The following ZFAT variants were observed in gnomAD, a reference collection of about 807,000 sequenced individuals.
The protein encoded by ZFAT is zinc finger and AT-hook domain containing.
ZFAT carries 64 observed loss-of-function variants against 117.7 expected under a neutral mutation model. The observed-to-expected ratio is 0.54, with a 90% confidence interval of 0.44 to 0.67. The LOEUF is 0.67. ZFAT is among the 30% of genes least tolerant of loss of function. The probability of loss-of-function intolerance (pLI) is 0.00; values close to 1 mark genes in which losing one functional copy is unlikely to be tolerated. For missense variants in ZFAT, 1,433 were observed against 1,584.5 expected (o/e 0.90, Z 1.62); for synonymous variants, 679 against 615.0 (o/e 1.10, Z -1.54).
chr8:134,538,544 T>A (rs10110338), intron 11 of ZFAT, among the ~76,000 whole-genome samples: 233 of 152,294 alleles, frequency 1.5e-3, no homozygotes, highest in Non-Finnish European at 2.5e-3. Flanking sequence ...ACGCCTGTAA[T>A]CCCAGTATTT....
At chr8:134,754,901 T>C in the ZFAT span, among the ~76,000 whole-genome samples, 1 of 152,244 alleles carries the variant, frequency 6.6e-6, no homozygotes, top group South Asian at 2.1e-4. Flanking sequence ...GACCTCCATC[T>C]TGGCCAACAC....
Position 134,478,862 on chromosome 8 carries a change from G to A in ZFAT, c.3493-141C>T. The stretch of plus-strand genomic sequence containing the variant: ...CTCCACGGATCCTCTCTACCAGGCT[G>A]TGCTTGCTCTCATGCCCATTTTACA... On this transcript the variant is annotated intron_variant, in intron 15 of 15. Coordinates refer to ENST00000377838, the MANE Select transcript of ZFAT (RefSeq NM_020863.4). This position sits in a 1 kb window ranked among gnomAD's most constrained non-coding sequence, Gnocchi z 5.2. 5 of 1,310,602 alleles carry A rather than the reference G, an allele frequency of 3.8e-6. No homozygotes were observed. The South Asian group carries it at 5.9e-5, about 15-fold the overall frequency. The allele number at this position is 1,310,602 out of a possible 1,614,324, so 81.2% of individuals were successfully genotyped here.
chr8:134,669,568 C>G (rs187763354), intron 1 of ZFAT, among the ~76,000 whole-genome samples: 1 of 152,088 alleles, frequency 6.6e-6, no homozygotes, highest in Admixed American at 6.5e-5. Context: ...ATTTTGTCAC[C>G]ACTAGGCCTG....
At chr8:134,629,702 C>T (rs576672921) in intron 3 of ZFAT, among the ~76,000 whole-genome samples, 2 of 152,342 alleles carry the variant, frequency 1.3e-5, no homozygotes, top group South Asian at 4.1e-4. Context: ...GCTTCCCCTT[C>T]AACTTCTGCA....
chr8:134,590,436 C>G, intron 7 of ZFAT, 81 bp from the exon 8 acceptor site: 1 of 1,085,042 alleles, frequency 9.2e-7, no homozygotes, highest in Non-Finnish European at 1.4e-6. Context: ...TCATCACCAT[C>G]ATCACCCACC....
chr8:134,756,598 G>A, the ZFAT span, among the ~76,000 whole-genome samples: 2 of 152,220 alleles, frequency 1.3e-5, no homozygotes, highest in African/African-American at 4.8e-5. Flanking sequence ...CCAGATGCTG[G>A]GCACACTGCC....
chr8:134,509,198 T>A (rs1182691284), intron 15 of ZFAT, among the ~76,000 whole-genome samples: 1 of 152,130 alleles, frequency 6.6e-6, no homozygotes, highest in Non-Finnish European at 1.5e-5. Context: ...TGGTTACTAT[T>A]TAGGAAGGCC....
intron 14 of ZFAT, chr8:134,510,895 C>T (rs1240446482): frequency 6.6e-6 from 1 of 152,282 alleles, no homozygotes; most frequent in Non-Finnish European, 1.5e-5. Context: ...CTGGCAGCTC[C>T]CATGTCAGGA....
At chr8:134,535,790 G>A (rs563670428) in intron 11 of ZFAT, among the ~76,000 whole-genome samples, 1 of 151,986 alleles carries the variant, frequency 6.6e-6, no homozygotes, top group East Asian at 1.9e-4. Flanking sequence ...TATGATTACT[G>A]CAAAGTTAAA....
At chr8:134,654,872 CAT>C (rs1831495589) in intron 2 of ZFAT, among the ~76,000 whole-genome samples, 1 of 152,168 alleles carries the variant, frequency 6.6e-6, no homozygotes, top group Non-Finnish European at 1.5e-5. Flanking sequence ...GCAAGAGAAA[CAT>C]AGAGACAAAT....
the ZFAT span, among the ~76,000 whole-genome samples, chr8:134,828,197 C>A: frequency 6.6e-6 from 1 of 152,106 alleles, no homozygotes. Flanking sequence ...CTTTAATCTT[C>A]ATTTTTACTC....
At chr8:134,706,060 T>C (rs894293923) in intron 1 of ZFAT, among the ~76,000 whole-genome samples, 1 of 152,160 alleles carries the variant, frequency 6.6e-6, no homozygotes, top group Non-Finnish European at 1.5e-5. Context: ...ACGTTGCTGA[T>C]GGGAATGTAA....
the ZFAT span, among the ~76,000 whole-genome samples, chr8:134,726,248 G>A: frequency 6.6e-6 from 1 of 152,168 alleles, no homozygotes; most frequent in South Asian, 2.1e-4. Context: ...CAACTTGAGA[G>A]ATTCAAGTGC....
intron 3 of ZFAT, among the ~76,000 whole-genome samples, chr8:134,628,260 CAAGCAAA>C (rs1417997112): frequency 6.6e-6 from 1 of 152,124 alleles, no homozygotes; most frequent in Non-Finnish European, 1.5e-5. Context: ...ACGGACATCA[CAAGCAAA>C]AAGAATGACA....
rs116830258 is a variant in ZFAT, at chr8:134,482,312, C to T, written c.3493-3591G>A. On this transcript the variant is annotated intron_variant, in intron 15 of 15. Coordinates refer to ENST00000377838, the MANE Select transcript of ZFAT (RefSeq NM_020863.4). ...CATGAACAGGGCTGTGCAAAAGTCA[C>T]AGGAGAGAAGGCATTTGGGGCAGAA... 2.8e-3 allele frequency among the ~76,000 whole-genome samples: 423 copies of T among 152,332 alleles called. 3 individuals carry two copies. Among genetic ancestry groups the T allele is most frequent in the African/African-American group, 9.9e-3 (411 of 41,580 alleles).
At position 134,532,876 on chromosome 8, in the gene ZFAT, C is replaced by A. The variant is rs554415466; in HGVS notation, c.3073G>T (p.Val1025Leu). Residue 1025 changes from valine (V) to leucine (L), a missense_variant, in exon 12 of 16, where the codon GTG becomes TTG. Val to Leu is a conservative substitution (Grantham distance 32). Around this residue, in one of 5 missense-constraint regions of ZFAT, gnomAD observed 503 missense variants for 543.4 expected, o/e 0.93. Coordinates refer to ENST00000377838, the MANE Select transcript of ZFAT (RefSeq NM_020863.4). ...RKHPNEEYANVGTGELAAEVL... is the reference protein window; with the variant it reads ...RKHPNEEYANLGTGELAAEVL... ...TCCGCTGCCAGCTCCCCGGTGCCCA[C>A]GTTGGCATACTCCTCATTAGGGTGC... 32 of 1,609,712 alleles carry A rather than the reference C, an allele frequency of 2.0e-5. No homozygotes were observed. Among genetic ancestry groups the A allele is most frequent in the Non-Finnish European group, 2.5e-5 (30 of 1,178,086 alleles).
rs1412166831 is a variant in ZFAT at position 134,671,239 on chromosome 8, C to T, written c.20-13502G>A. Among the ~76,000 whole-genome samples, 4 of 152,118 alleles carry T rather than the reference C, an allele frequency of 2.6e-5. No individual in the cohort carries two copies. The East Asian group carries it at 7.7e-4, about 29-fold the overall frequency. On this transcript the variant is annotated intron_variant, in intron 1 of 15. Transcript: ENST00000377838. ...ATCAATAGAAAAAGAGGGAATCCTC[C>T]CTAACTCATTTTATGAGGCCAGCAT...
the ZFAT span, among the ~76,000 whole-genome samples, chr8:134,772,005 G>A: frequency 6.6e-6 from 1 of 152,100 alleles, no homozygotes; most frequent in African/African-American, 2.4e-5. Context: ...AATAGCATGG[G>A]GAGAACCTGC....
At chr8:134,735,432 T>A in the ZFAT span, among the ~76,000 whole-genome samples, 3 of 152,192 alleles carry the variant, frequency 2.0e-5, no homozygotes, top group African/African-American at 7.2e-5. Flanking sequence ...TCCAATCAAA[T>A]GAAGATTTCC....
Sources: gnomAD v4.1 joint callset for allele counts (sites outside exome capture counted in the v4.1 genomes callset) on GRCh38, gnomAD v4.1.1 for gene constraint, gnomAD v4.1.1 regional missense constraint, Gnocchi (gnomAD v3.1) non-coding constraint, MANE v1.5 for transcripts, NCBI Gene and HGNC (gene_info 2026-07-23, HGNC 2026-07-21) for gene names.